MEX3C: variants seen among roughly 807,000 people sequenced by gnomAD.
The protein encoded by MEX3C is mex-3 RNA binding family member C.
MEX3C carries 15 observed loss-of-function variants against 35.5 expected under a neutral mutation model. The ratio of observed to expected loss-of-function variants is 0.42; its 90% CI spans 0.28 to 0.65. The LOEUF (loss-of-function observed/expected upper bound fraction) is 0.65, where lower values mean the gene tolerates loss of function less well. Ranked by LOEUF, MEX3C falls within the 30% of genes least tolerant of loss-of-function variation. The pLI is 0.20. For missense variants in MEX3C, 711 were observed against 842.8 expected (o/e 0.84, Z 1.94); for synonymous variants, 390 against 352.8 (o/e 1.11, Z -1.18).
At position 51,177,628 on chromosome 18, in the gene MEX3C, T is replaced by C; in HGVS notation, c.755-52A>G. ...AATCAACATCTACTTCAATGATATA[T>C]ATAAAGACAAATCACAGAATGCACC... On this transcript the variant is annotated intron_variant, in intron 1 of 1. Transcript: ENST00000406189. The surrounding 1 kb of genome is among the most constrained non-coding windows in gnomAD (Gnocchi z 4.2). The C allele has an allele frequency of 1.5e-5, 22 of 1,510,618 alleles. No homozygotes were observed. Among genetic ancestry groups the C allele is most frequent in the Non-Finnish European group, 1.9e-5 (21 of 1,129,578 alleles). 93.6% of individuals were successfully genotyped at this position (1,510,618 alleles called of 1,614,324 possible). A position where few individuals can be genotyped will look rare whatever the true frequency, so the allele number is the denominator to read the frequency against.
chr18:51,186,332 G>A (rs1183169275), intron 1 of MEX3C, among the ~76,000 whole-genome samples: 2 of 152,180 alleles, frequency 1.3e-5, no homozygotes, highest in African/African-American at 2.4e-5. Flanking sequence ...ACTACTTACA[G>A]TAAATAAAAG....
At chr18:51,187,468 T>C (rs1277260793) in intron 1 of MEX3C, among the ~76,000 whole-genome samples, 1 of 152,214 alleles carries the variant, frequency 6.6e-6, no homozygotes, top group African/African-American at 2.4e-5. Context: ...CTTCGTTTGT[T>C]TTTTGCAAAG....
chr18:51,196,235 C>T (rs1424617467), intron 1 of MEX3C: 1 of 417,196 alleles, frequency 2.4e-6, no homozygotes, highest in Non-Finnish European at 4.2e-6. Flanking sequence ...ACCCACAACT[C>T]CTCGAGCCCG....
At chr18:51,196,377 C>G in intron 1 of MEX3C, 190 bp downstream of exon 1, 3 of 1,287,922 alleles carry the variant, frequency 2.3e-6, no homozygotes, top group Non-Finnish European at 3.1e-6. Context: ...GCAAGACGGG[C>G]GGAAAAGCGT....
Position 51,197,210 on chromosome 18 carries a change from G to C in MEX3C, c.111C>G (p.Gly37=). 1 of 1,009,552 alleles carries C rather than the reference G, an allele frequency of 9.9e-7. No individual in the cohort carries two copies. The highest frequency in any genetic ancestry group is 1.2e-6 in the Non-Finnish European group (1 of 848,298). The allele number at this position is 1,009,552 out of a possible 1,614,324, so 62.5% of individuals were successfully genotyped here. ...PPPPPLPPPS[G]GPELEGDGLL... ...GCCCGTCCCCCTCGAGCTCCGGGCC[G>C]CCCGAGGGCGGCGGCAGAGGCGGCG... Residue 37 remains glycine (G), a synonymous_variant, in exon 1 of 2, where the codon GGC becomes GGG. Coordinates refer to ENST00000406189, the MANE Select transcript of MEX3C (RefSeq NM_016626.5).
chr18:51,177,476 A>G lies in MEX3C; in HGVS notation c.855T>C (p.Asp285=), dbSNP rs149948055. 125 of 1,614,018 alleles carry G rather than the reference A, an allele frequency of 7.7e-5. No individual in the cohort carries two copies. The African/African-American group carries it at 1.5e-3, about 19-fold the overall frequency. ...PIFVVTGRKE[D]VAMAKREILS... is the part of the protein sequence containing the mutation. ...GGATCTCTCTTTTGGCCATGGCAACATCTTCTTTCCTTCCAGTGACAACAA... is the reference window on the plus strand; with the variant it reads ...GGATCTCTCTTTTGGCCATGGCAACGTCTTCTTTCCTTCCAGTGACAACAA... The change falls in exon 2 of 2, where the codon GAT becomes GAC. Residue 285 remains aspartate (D), a synonymous_variant. Transcript: ENST00000406189. This position sits in a 1 kb window ranked among gnomAD's most constrained non-coding sequence, Gnocchi z 4.2.
chr18:51,197,123 G>T lies in MEX3C; in HGVS notation c.198C>A (p.Gly66=). The change falls in exon 1 of 2, where the codon GGC becomes GGA. Residue 66 remains glycine (G), a synonymous_variant. Coordinates refer to ENST00000406189, the MANE Select transcript of MEX3C (RefSeq NM_016626.5). The part of the protein sequence containing the change: ...GLDDPSPAEP[G]APALRAPAAA... The stretch of plus-strand genomic sequence containing the variant: ...CTGCCGGGGCCCGAAGCGCCGGGGC[G>T]CCGGGCTCCGCCGGGCTGGGGTCGT... 1 of 1,093,422 alleles carries T rather than the reference G, an allele frequency of 9.1e-7. No homozygotes were observed. Among genetic ancestry groups the T allele is most frequent in the Non-Finnish European group, 1.1e-6 (1 of 904,340 alleles). The allele number at this position is 1,093,422 out of a possible 1,614,324, so 67.7% of individuals were successfully genotyped here.
chr18:51,188,321 G>T (rs1912580915), intron 1 of MEX3C, among the ~76,000 whole-genome samples: 1 of 152,138 alleles, frequency 6.6e-6, no homozygotes, highest in Non-Finnish European at 1.5e-5. Flanking sequence ...AAGCTGTTTG[G>T]CCAGTTGTGG....
In MEX3C at chr18:51,196,642, T is replaced by C; in HGVS notation, c.679A>G (p.Arg227Gly). The change falls in exon 1 of 2, where the codon AGA (arginine) becomes GGA (glycine). Residue 227 changes from arginine (R) to glycine (G), a missense_variant. Physicochemically the swap from Arg to Gly is moderately radical, Grantham distance 125 (BLOSUM62 -2). Coordinates refer to ENST00000406189, the MANE Select transcript of MEX3C (RefSeq NM_016626.5). Reference protein sequence around the residue: ...LNGEQAALLRRKSVNTTECVP... With the variant: ...LNGEQAALLRGKSVNTTECVP... The stretch of plus-strand genomic sequence containing the variant: ...CACTCGGTGGTGTTGACGCTCTTTC[T>C]CCGGAGCAGGGCCGCCTGCTCCCCG... The C allele has an allele frequency of 6.3e-7, 1 of 1,580,846 alleles. No individual in the cohort carries two copies. Among genetic ancestry groups the C allele is most frequent in the Non-Finnish European group, 8.6e-7 (1 of 1,169,516 alleles).
intron 1 of MEX3C, among the ~76,000 whole-genome samples, chr18:51,185,591 T>G (rs929438381): frequency 6.6e-6 from 1 of 152,214 alleles, no homozygotes; most frequent in African/African-American, 2.4e-5. Context: ...ACTCTGCCTA[T>G]GACATTACCT....
intron 1 of MEX3C, among the ~76,000 whole-genome samples, chr18:51,190,409 A>G (rs1912626927): frequency 6.6e-6 from 1 of 152,224 alleles, no homozygotes; most frequent in Admixed American, 6.5e-5. Flanking sequence ...AGTTGTTTGA[A>G]GCCATTCCCT....
chr18:51,179,955 C>G (rs79673700), intron 1 of MEX3C, among the ~76,000 whole-genome samples: 2,623 of 152,222 alleles, frequency 0.017, 77 homozygotes, highest in African/African-American at 0.06. Context: ...AGTTACATTC[C>G]TAACAAGAGA....
At chr18:51,193,302 A>T (rs1912696764) in intron 1 of MEX3C, 1 of 152,196 alleles carries the variant, frequency 6.6e-6, no homozygotes, top group Admixed American at 6.5e-5. Context: ...AATGAAAGAT[A>T]CACATTTATC....
At chr18:51,195,056 A>G (rs1487705095) in intron 1 of MEX3C, 2 of 148,598 alleles carry the variant, frequency 1.3e-5, no homozygotes, top group Non-Finnish European at 3.0e-5. Flanking sequence ...GAAAGTCTGA[A>G]TTAACTTCAC....
rs1371344185 is a variant in MEX3C, at chr18:51,197,227, G to C, written c.94C>G (p.Leu32Val). The C allele has an allele frequency of 1.0e-6, 1 of 996,810 alleles. No individual in the cohort carries two copies. 61.7% of individuals were successfully genotyped at this position (996,810 alleles called of 1,614,324 possible). Residue 32 changes from leucine to valine, a missense_variant, in exon 1 of 2, where the codon CTG becomes GTG. Leu to Val is a conservative substitution (Grantham distance 32). Coordinates refer to ENST00000406189, the MANE Select transcript of MEX3C (RefSeq NM_016626.5). Reference sequence around the variant, plus strand: ...TCCGGGCCGCCCGAGGGCGGCGGCAGAGGCGGCGGTGGCGGCGGCGGCGGC... The same window carrying C: ...TCCGGGCCGCCCGAGGGCGGCGGCACAGGCGGCGGTGGCGGCGGCGGCGGC... ...PPPPPPPPPPLPPPSGGPELE... is the reference protein window; with the variant it reads ...PPPPPPPPPPVPPPSGGPELE...
chr18:51,188,449 CCAAAAATA>C (rs1912584345), intron 1 of MEX3C, among the ~76,000 whole-genome samples: 1 of 151,852 alleles, frequency 6.6e-6, no homozygotes, highest in South Asian at 2.1e-4. Context: ...CCCGTCTCTA[CCAAAAATA>C]CAAAAAACTA....
At chr18:51,188,628 G>A (rs766707394) in intron 1 of MEX3C, among the ~76,000 whole-genome samples, 4 of 151,382 alleles carry the variant, frequency 2.6e-5, no homozygotes, top group Non-Finnish European at 5.9e-5. Context: ...AAAATGCTGG[G>A]AATAAAGGCA....
intron 1 of MEX3C, among the ~76,000 whole-genome samples, chr18:51,184,721 G>A (rs1241437081): frequency 6.6e-6 from 1 of 152,030 alleles, no homozygotes; most frequent in African/African-American, 2.4e-5. Context: ...ATCTGGGCGT[G>A]GTGGTGCACA....
In MEX3C at chr18:51,197,193, C is replaced by A; in HGVS notation, c.128G>T (p.Gly43Val). 1 of 1,023,742 alleles carries A rather than the reference C, an allele frequency of 9.8e-7. No individual in the cohort carries two copies. Among genetic ancestry groups the A allele is most frequent in the South Asian group, 4.4e-5 (1 of 22,812 alleles). 63.4% of individuals were successfully genotyped at this position (1,023,742 alleles called of 1,614,324 possible). Residue 43 changes from glycine (G) to valine (V), a missense_variant, in exon 1 of 2, where the codon GGG (glycine) becomes GTG (valine). Gly to Val is a moderately radical substitution (Grantham distance 109). Around this residue, in one of 4 missense-constraint regions of MEX3C, gnomAD observed 354 missense variants for 311.6 expected, o/e 1.14. Transcript: ENST00000406189. ...PPPSGGPELE[G>V]DGLLLRERLA... ...GCGCTCCCTCAGCAGGAGCCCGTCC[C>A]CCTCGAGCTCCGGGCCGCCCGAGGG...
Sources: allele counts gnomAD v4.1 joint callset (sites outside exome capture counted in the v4.1 genomes callset), GRCh38; gene constraint gnomAD v4.1.1; regional missense constraint gnomAD v4.1.1; non-coding constraint Gnocchi (gnomAD v3.1); transcripts MANE v1.5; gene names NCBI Gene and HGNC (gene_info 2026-07-23, HGNC 2026-07-21).